SDC2: variants seen among roughly 807,000 people sequenced by gnomAD.
SDC2 encodes syndecan-2.
SDC2 carries 13 observed loss-of-function variants against 22.2 expected under a neutral mutation model. The observed-to-expected ratio is 0.59, with a 90% CI of 0.38 to 0.93. The LOEUF (loss-of-function observed/expected upper bound fraction) is 0.93, where lower values mean the gene tolerates loss of function less well. SDC2 is among the 40% of genes least tolerant of loss of function. The probability of loss-of-function intolerance (pLI) is 0.00; values close to 1 mark genes in which losing one functional copy is unlikely to be tolerated. For missense variants in SDC2, 235 were observed against 246.8 expected (o/e 0.95, Z 0.32); for synonymous variants, 94 against 92.8 (o/e 1.01, Z -0.07).
intron 2 of SDC2, among the ~76,000 whole-genome samples, chr8:96,602,056 A>G (rs1426356171): frequency 6.6e-6 from 1 of 152,090 alleles, no homozygotes; most frequent in African/African-American, 2.4e-5. Flanking sequence ...CTGCACCTGG[A>G]CTGTTGTGTT....
intron 1 of SDC2, among the ~76,000 whole-genome samples, chr8:96,576,368 G>GTTTTTTTTTTTTTTTT (rs1481198542): frequency 4.8e-4 from 8 of 16,612 alleles, no homozygotes; most frequent in African/African-American, 1.0e-3. Flanking sequence ...TTGGTAGTTT[G>GTTTTTTTTTTTTTTTT]TTTTTGTTTT....
chr8:96,606,204 G>A (rs927781926), intron 3 of SDC2, among the ~76,000 whole-genome samples: 9 of 152,114 alleles, frequency 5.9e-5, no homozygotes, highest in Non-Finnish European at 1.2e-4. Context: ...GCTCACCGCA[G>A]CCTCCAACTC....
At chr8:96,519,155 A>C (rs1447707754) in intron 1 of SDC2, among the ~76,000 whole-genome samples, 1 of 152,022 alleles carries the variant, frequency 6.6e-6, no homozygotes, top group Non-Finnish European at 1.5e-5. Context: ...TAGGGGAGAG[A>C]GGGGGTTTGC....
chr8:96,576,377 T>TTTTTTTTTTTTTTTTTTTTTTTTTTC (rs1162424105), intron 1 of SDC2, among the ~76,000 whole-genome samples: 1 of 65,788 alleles, frequency 1.5e-5, no homozygotes, highest in Non-Finnish European at 3.2e-5. Context: ...TGTTTTTGTT[T>TTTTTTTTTTTTTTTTTTTTTTTTTTC]TGTTTTGTTT....
chr8:96,603,833 G>A (rs547788171), intron 3 of SDC2, among the ~76,000 whole-genome samples: 25 of 152,300 alleles, frequency 1.6e-4, no homozygotes, highest in African/African-American at 5.8e-4. Flanking sequence ...GACTTCACAA[G>A]CCAGGCGGTA....
At chr8:96,594,052 C>T (rs1027493955) in intron 2 of SDC2, among the ~76,000 whole-genome samples, 1 of 152,090 alleles carries the variant, frequency 6.6e-6, no homozygotes, top group Non-Finnish European at 1.5e-5. Context: ...GAAGTTAATA[C>T]GTTTTTATTC....
intron 1 of SDC2, among the ~76,000 whole-genome samples, chr8:96,588,505 A>G (rs1467428805): frequency 6.6e-6 from 1 of 152,232 alleles, no homozygotes; most frequent in Non-Finnish European, 1.5e-5. Context: ...AATCATCATA[A>G]AAGTTAATAT....
chr8:96,583,705 GTGTGTGTGTGTGTA>G (rs1178622318), intron 1 of SDC2, among the ~76,000 whole-genome samples: 1 of 131,476 alleles, frequency 7.6e-6, no homozygotes, highest in African/African-American at 2.8e-5. Context: ...GTGTGTGTGT[GTGTGTGTGTGTGTA>G]TATATATATA....
chr8:96,557,623 G>T (rs756581470), intron 1 of SDC2, among the ~76,000 whole-genome samples: 5 of 151,824 alleles, frequency 3.3e-5, no homozygotes, highest in Admixed American at 1.3e-4. Context: ...TGGGGACTGT[G>T]GTGGGGTGGG....
chr8:96,537,166 G>A (rs889987476), intron 1 of SDC2: 1 of 152,120 alleles, frequency 6.6e-6, no homozygotes, highest in Non-Finnish European at 1.5e-5. Flanking sequence ...TACATTTTGA[G>A]CAATTTTAGG....
At chr8:96,576,384 G>GTTTTTTTTTTTTTTTT (rs1236267155) in intron 1 of SDC2, among the ~76,000 whole-genome samples, 3 of 50,962 alleles carry the variant, frequency 5.9e-5, no homozygotes, top group Non-Finnish European at 1.1e-4. Context: ...GTTTTGTTTT[G>GTTTTTTTTTTTTTTTT]TTTTTTTTTA....
At chr8:96,544,769 A>G (rs923881327) in intron 1 of SDC2, among the ~76,000 whole-genome samples, 3 of 152,172 alleles carry the variant, frequency 2.0e-5, no homozygotes, top group Non-Finnish European at 4.4e-5. Context: ...GGTTACACCC[A>G]CTCATAAGAT....
intron 1 of SDC2, among the ~76,000 whole-genome samples, chr8:96,579,651 G>A (rs1018708776): frequency 2.2e-4 from 33 of 152,188 alleles, no homozygotes; most frequent in Admixed American, 5.9e-4. Context: ...TGAAGACAGA[G>A]TTTTCCTCAA....
chr8:96,524,896 G>C (rs1427992563), intron 1 of SDC2, among the ~76,000 whole-genome samples: 22 of 152,114 alleles, frequency 1.4e-4, no homozygotes, highest in Admixed American at 1.4e-3. Context: ...GCTCAATCTT[G>C]GGAAGATGTG....
chr8:96,554,393 A>G (rs1366198400), intron 1 of SDC2, among the ~76,000 whole-genome samples: 1 of 152,124 alleles, frequency 6.6e-6, no homozygotes, highest in Non-Finnish European at 1.5e-5. Flanking sequence ...TAAAACTATT[A>G]TATCTTTGGG....
intron 1 of SDC2, among the ~76,000 whole-genome samples, chr8:96,495,954 G>C (rs1813067768): frequency 1.3e-5 from 2 of 152,218 alleles, no homozygotes; most frequent in Non-Finnish European, 2.9e-5. Context: ...CAGTTAGGAT[G>C]AACTTTGGCT....
At chr8:96,607,352 A>T (rs1274578017) in intron 3 of SDC2, among the ~76,000 whole-genome samples, 1 of 152,152 alleles carries the variant, frequency 6.6e-6, no homozygotes, top group Non-Finnish European at 1.5e-5. Flanking sequence ...AGCTGTGGAA[A>T]TGAGAACCCA....
chr8:96,580,542 C>T, intron 1 of SDC2: 3 of 984,714 alleles, frequency 3.0e-6, no homozygotes, highest in Non-Finnish European at 3.6e-6. Context: ...ATAAACTCCA[C>T]TCTGTGGGCA....
At chr8:96,595,349 GCTGA>G (rs764923042) in intron 2 of SDC2, among the ~76,000 whole-genome samples, 15 of 152,134 alleles carry the variant, frequency 9.9e-5, no homozygotes, top group Non-Finnish European at 2.1e-4. Context: ...AGAGGTGGTT[GCTGA>G]CCTAGTAACA....
Sources: gnomAD v4.1 joint callset for allele counts (sites outside exome capture counted in the v4.1 genomes callset) on GRCh38, gnomAD v4.1.1 for gene constraint, MANE v1.5 for transcripts, NCBI Gene and HGNC (gene_info 2026-07-23, HGNC 2026-07-21) for gene names.